Variants in EBF3 observed in about 807,000 individuals in gnomAD.
EBF3 encodes EBF transcription factor 3.
Under a neutral mutation model 77.1 loss-of-function variants are expected in EBF3, and 18 were observed. The observed-to-expected ratio is 0.23, with a 90% CI of 0.16 to 0.35. The LOEUF is 0.35. Among genes scored for constraint, EBF3 ranks in the 10% least tolerant of loss-of-function variants. EBF3 has a pLI of 1.00. For missense variants in EBF3, 558 were observed against 860.0 expected, an observed-to-expected ratio of 0.65 and a Z score of 4.39; for synonymous variants, 350 against 343.5, an observed-to-expected ratio of 1.02 and a Z score of -0.21.
rs375666196 is a variant in EBF3, at chr10:129,961,492, T to C, written c.411+679A>G. 2.2e-4 allele frequency among the ~76,000 whole-genome samples: 34 copies of C among 152,308 alleles called. No individual in the cohort carries two copies. The South Asian group carries it at 3.5e-3, about 16-fold the overall frequency. On this transcript the variant is annotated intron_variant, in intron 4 of 16. Transcript: ENST00000440978. The stretch of plus-strand genomic sequence containing the variant: ...TAGCCAATAGTTATCATCGGAAAAG[T>C]TGACCAAGACAGGTTAAATAATTTA...
intron 6 of EBF3, among the ~76,000 whole-genome samples, chr10:129,939,931 AGG>A (rs1364192610): frequency 1.3e-5 from 2 of 152,242 alleles, no homozygotes. Flanking sequence ...CTAGTGCTAG[AGG>A]GTCCCCCATG....
intron 6 of EBF3, among the ~76,000 whole-genome samples, chr10:129,896,510 T>G (rs1048927374): frequency 5.9e-5 from 9 of 152,094 alleles, no homozygotes; most frequent in African/African-American, 1.4e-4. Context: ...GGGGCCGGCG[T>G]GGGCCGGGTG....
At chr10:129,895,725 C>T (rs978527852) in intron 6 of EBF3, among the ~76,000 whole-genome samples, 15 of 152,156 alleles carry the variant, frequency 9.9e-5, no homozygotes, top group Non-Finnish European at 1.6e-4. Context: ...AAACTTGTAT[C>T]GATACTTGTG....
At chr10:129,896,452 C>T (rs902538259) in intron 6 of EBF3, among the ~76,000 whole-genome samples, 3 of 152,364 alleles carry the variant, frequency 2.0e-5, no homozygotes, top group East Asian at 1.9e-4. Flanking sequence ...CCTGGCCTGG[C>T]GTCGCCCGCC....
intron 10 of EBF3, among the ~76,000 whole-genome samples, chr10:129,865,438 G>A (rs1851935927): frequency 6.6e-6 from 1 of 152,168 alleles, no homozygotes; most frequent in Non-Finnish European, 1.5e-5. Flanking sequence ...GCCAAGAGGT[G>A]TCCGGACATC....
rs1259041590 is a variant in EBF3 at position 129,840,997 on chromosome 10, G to A, written c.1408C>T (p.Arg470Ter). The change falls in exon 14 of 17, where the codon CGA becomes TGA. Residue 470 changes from arginine (R) to a stop codon, truncating the protein, a stop_gained. Transcript: ENST00000440978. LOFTEE classifies it high-confidence loss of function. The part of the protein sequence containing the change: ...YSRNTSSVSP[R>*]GYVPSSTPQQ... ...GGAGTACTGCTGGGGACGTAGCCTC[G>A]CGGGGACACGCTGCTTGTATTGCGA... 6.2e-7 allele frequency: 1 copy of A among 1,613,472 alleles called. No homozygotes were observed. The highest frequency in any genetic ancestry group is 8.5e-7 in the Non-Finnish European group (1 of 1,179,802).
chr10:129,931,389 A>C (rs1321873722), intron 6 of EBF3, among the ~76,000 whole-genome samples: 1 of 152,222 alleles, frequency 6.6e-6, no homozygotes, highest in Non-Finnish European at 1.5e-5. Flanking sequence ...AGAGAGCCTG[A>C]GTGTGGCAAC....
At chr10:129,899,288 C>T (rs184060755) in intron 6 of EBF3, among the ~76,000 whole-genome samples, 2 of 152,324 alleles carry the variant, frequency 1.3e-5, no homozygotes, top group East Asian at 3.9e-4. Context: ...CCAATGAAAA[C>T]GTCTTAAATT....
At chr10:129,898,559 C>T (rs908758118) in intron 6 of EBF3, among the ~76,000 whole-genome samples, 3 of 152,182 alleles carry the variant, frequency 2.0e-5, no homozygotes, top group African/African-American at 4.8e-5. Context: ...GGTTTGCATC[C>T]GTCGCCCCAC....
chr10:129,873,473 C>G lies in EBF3; in HGVS notation c.760G>C (p.Ala254Pro). The change falls in exon 8 of 17, where the codon GCC (alanine) becomes CCC (proline). Residue 254 changes from alanine to proline, a missense_variant. Physicochemically the swap from Ala to Pro is conservative, Grantham distance 27. This residue lies in a region of EBF3 where 112 missense variants were observed against 207.7 expected (regional missense o/e 0.54). Transcript: ENST00000440978. Reference protein sequence around the residue: ...ARRLDPSEGTAPSYLENATPC... With the variant: ...ARRLDPSEGTPPSYLENATPC... ...CTACCATTTTCCAGATAAGAAGGGG[C>G]CGTACCTTCTGACGGGTCTAGGCGG... is the stretch of plus-strand genomic sequence containing the variant. 1.9e-6 allele frequency: 3 copies of G among 1,570,942 alleles called. No homozygotes were observed. Among genetic ancestry groups the G allele is most frequent in the South Asian group, 1.2e-5 (1 of 85,202 alleles).
At chr10:129,889,626 A>G (rs945920225) in intron 6 of EBF3, among the ~76,000 whole-genome samples, 1 of 152,192 alleles carries the variant, frequency 6.6e-6, no homozygotes, top group Non-Finnish European at 1.5e-5. Flanking sequence ...ATAAGAGAAG[A>G]CAGATGCAGG....
At chr10:129,924,585 G>A (rs1856538458) in intron 6 of EBF3, among the ~76,000 whole-genome samples, 1 of 152,150 alleles carries the variant, frequency 6.6e-6, no homozygotes, top group South Asian at 2.1e-4. Context: ...ATTAAAAATA[G>A]AACTACCCTA....
intron 6 of EBF3, among the ~76,000 whole-genome samples, chr10:129,905,840 G>T (rs1157960197): frequency 6.6e-6 from 1 of 152,194 alleles, no homozygotes; most frequent in Non-Finnish European, 1.5e-5. Flanking sequence ...GGCCCCCGAG[G>T]TGACATTTGT....
At chr10:129,884,713 C>T (rs1853450517) in intron 6 of EBF3, among the ~76,000 whole-genome samples, 1 of 152,142 alleles carries the variant, frequency 6.6e-6, no homozygotes, top group African/African-American at 2.4e-5. Flanking sequence ...ACTGGGAGTA[C>T]CTGGCCTGCA....
At chr10:129,949,502 C>T (rs1391746725) in intron 6 of EBF3, among the ~76,000 whole-genome samples, 2 of 152,156 alleles carry the variant, frequency 1.3e-5, no homozygotes, top group South Asian at 2.1e-4. Context: ...TGATGGGACT[C>T]GTGGGGGAAC....
At chr10:129,866,939 C>T (rs534416749) in intron 10 of EBF3, among the ~76,000 whole-genome samples, 1 of 152,340 alleles carries the variant, frequency 6.6e-6, no homozygotes, top group Non-Finnish European at 1.5e-5. Context: ...ACGGGGGCTG[C>T]CCCATCCACG....
intron 6 of EBF3, among the ~76,000 whole-genome samples, chr10:129,924,823 C>T (rs1325752000): frequency 2.6e-5 from 4 of 152,182 alleles, no homozygotes; most frequent in East Asian, 1.9e-4. Context: ...TGTGCCACCA[C>T]GCCTGGCTAA....
intron 6 of EBF3, among the ~76,000 whole-genome samples, chr10:129,892,966 C>T (rs114007235): frequency 0.026 from 3,909 of 152,320 alleles, 173 homozygotes; most frequent in African/African-American, 0.09. Context: ...CATGAAGTCA[C>T]GGGCTAATCT....
In EBF3 at chr10:129,864,901, A is replaced by G. The variant is rs1045853633; in HGVS notation, c.1039+2240T>C. 3.3e-5 allele frequency among the ~76,000 whole-genome samples: 5 copies of G among 152,192 alleles called. No homozygotes were observed. The highest frequency in any genetic ancestry group is 3.3e-4 in the Admixed American group (5 of 15,286). On this transcript the variant is annotated intron_variant, in intron 10 of 16. Coordinates refer to ENST00000440978, the MANE Select transcript of EBF3 (RefSeq NM_001375380.1). The surrounding 1 kb of genome is among the most constrained non-coding windows in gnomAD (Gnocchi z 4.4). ...CCCTCAGTGACTTTCCACAGGAAGG[A>G]CCATTTATGGAGTGCCTGCCATGTG... is the stretch of plus-strand genomic sequence containing the variant.
Sources: gnomAD v4.1 joint callset for allele counts (sites outside exome capture counted in the v4.1 genomes callset) on GRCh38, gnomAD v4.1.1 for gene constraint, gnomAD v4.1.1 regional missense constraint, Gnocchi (gnomAD v3.1) non-coding constraint, MANE v1.5 for transcripts, NCBI Gene and HGNC (gene_info 2026-07-23, HGNC 2026-07-21) for gene names.